The following COL24A1 variants were observed in gnomAD, a reference collection of about 807,000 sequenced individuals.
COL24A1 encodes the protein collagen type XXIV alpha 1 chain, also known as collagen alpha-1(XXIV) chain.
In COL24A1, 224 loss-of-function variants were observed where a neutral mutation model predicts 253.9. The ratio of observed to expected loss-of-function variants is 0.88; its 90% CI spans 0.79 to 0.99. COL24A1 has a LOEUF of 0.99. Among genes scored for constraint, COL24A1 ranks in the 50% least tolerant of loss-of-function variants. The probability of loss-of-function intolerance (pLI) is 0.00; values close to 1 mark genes in which losing one functional copy is unlikely to be tolerated. For missense variants in COL24A1, 2,131 were observed against 2,068.5 expected (o/e 1.03, Z -0.59); for synonymous variants, 685 against 673.7 (o/e 1.02, Z -0.26).
intron 12 of COL24A1, among the ~76,000 whole-genome samples, chr1:86,041,294 G>C (rs1180152275): frequency 6.6e-6 from 1 of 152,144 alleles, no homozygotes; most frequent in Non-Finnish European, 1.5e-5. Context: ...CTAAGGGTCT[G>C]AAAAATTCCT....
At chr1:85,924,781 T>A (rs1205968699) in intron 24 of COL24A1, among the ~76,000 whole-genome samples, 1 of 152,192 alleles carries the variant, frequency 6.6e-6, no homozygotes, top group African/African-American at 2.4e-5. Context: ...ATGCCCTCTC[T>A]CACCACTCTT....
intron 55 of COL24A1, among the ~76,000 whole-genome samples, chr1:85,749,359 C>T (rs1166623542): frequency 0.054 from 100 of 1,848 alleles, 25 homozygotes; most frequent in African/African-American, 0.073. Flanking sequence ...CCAGAAAGGA[C>T]ATCTACACCA....
At chr1:85,863,213 T>G (rs1343748276) in intron 37 of COL24A1, among the ~76,000 whole-genome samples, 1 of 152,190 alleles carries the variant, frequency 6.6e-6, no homozygotes, top group African/African-American at 2.4e-5. Context: ...AAGGAGATTT[T>G]GGGCTGAGAC....
chr1:85,807,799 C>T (rs527460535), intron 47 of COL24A1, among the ~76,000 whole-genome samples: 1 of 152,228 alleles, frequency 6.6e-6, no homozygotes, highest in South Asian at 2.1e-4. Flanking sequence ...TGAGAGAGAC[C>T]TATGGTCATT....
intron 24 of COL24A1, among the ~76,000 whole-genome samples, chr1:85,922,136 C>T (rs571323771): frequency 2.1e-4 from 32 of 152,024 alleles, no homozygotes; most frequent in East Asian, 3.9e-4. Context: ...TAAAAAGAAA[C>T]GAACAAAGCC....
intron 31 of COL24A1, among the ~76,000 whole-genome samples, chr1:85,891,170 C>T (rs576690184): frequency 1.7e-3 from 264 of 151,850 alleles, no homozygotes; most frequent in Non-Finnish European, 3.1e-3. Flanking sequence ...CCTGCCTCGG[C>T]CTCCCGAGTA....
intron 1 of COL24A1, chr1:86,153,935 C>T (rs1261068281): frequency 6.6e-6 from 1 of 152,040 alleles, no homozygotes; most frequent in African/African-American, 2.4e-5. Context: ...TAAAAGACCC[C>T]ACAAAAGAAA....
rs147829805 is a variant in COL24A1, at chr1:86,046,848, T to G, written c.1927A>C (p.Lys643Gln). 883 of 1,602,710 alleles carry G rather than the reference T, an allele frequency of 5.5e-4. 12 individuals are homozygous for G. In the East Asian group the frequency reaches 0.013, roughly 23 times the overall value. ...ACCTGTCTCCCCTTAAAACCCTTCT[T>G]TCCACGGATCCCAGGAATGCCCTAG... is the stretch of plus-strand genomic sequence containing the variant. ...GERGIPGIRG[K>Q]KGFKGRQGFP... Residue 643 changes from lysine (K) to glutamine (Q), a missense_variant, in exon 12 of 60, where the codon AAG becomes CAG. Lys to Gln is a moderately conservative substitution (Grantham distance 53). Transcript: ENST00000370571.
chr1:86,153,165 C>A (rs61803679), intron 1 of COL24A1, among the ~76,000 whole-genome samples: 24,438 of 152,040 alleles, frequency 0.16, 2,308 homozygotes, highest in East Asian at 0.3. Flanking sequence ...GTCTAGATTT[C>A]ATTTCCTTTG....
At chr1:86,068,911 T>C (rs750045441) in intron 7 of COL24A1, among the ~76,000 whole-genome samples, 25 of 152,062 alleles carry the variant, frequency 1.6e-4, no homozygotes, top group Admixed American at 9.2e-4. Flanking sequence ...AAGGGTCTAG[T>C]ACTGGCAGGA....
intron 43 of COL24A1, among the ~76,000 whole-genome samples, chr1:85,830,817 C>T (rs1303197391): frequency 6.6e-6 from 1 of 152,154 alleles, no homozygotes; most frequent in Non-Finnish European, 1.5e-5. Flanking sequence ...CCTGCGCCCA[C>T]TGTCTGGCAC....
At chr1:85,983,948 A>G (rs144540051) in intron 20 of COL24A1, among the ~76,000 whole-genome samples, 107 of 151,958 alleles carry the variant, frequency 7.0e-4, no homozygotes, top group Admixed American at 2.2e-3. Context: ...TGTTGGTACT[A>G]ATGACTCTAC....
At chr1:85,730,738 T>C in intron 59 of COL24A1, 46 bp from the exon 60 acceptor site, 1 of 1,597,814 alleles carries the variant, frequency 6.3e-7, no homozygotes, top group East Asian at 2.2e-5. Context: ...TCATTAGCAG[T>C]CACTTTCAGT....
At chr1:86,114,867 T>C (rs1705978563) in intron 4 of COL24A1, among the ~76,000 whole-genome samples, 1 of 152,216 alleles carries the variant, frequency 6.6e-6, no homozygotes, top group African/African-American at 2.4e-5. Context: ...CTGTGTAACA[T>C]GAAAAACTAC....
intron 24 of COL24A1, among the ~76,000 whole-genome samples, chr1:85,925,246 C>T (rs1301161456): frequency 6.6e-6 from 1 of 152,188 alleles, no homozygotes; most frequent in African/African-American, 2.4e-5. Context: ...GGCCATACTG[C>T]CCAAGGTAAT....
rs1703557221 is a variant in COL24A1 at position 86,092,321 on chromosome 1, C to T, written c.1600-1G>A. 1 of 1,602,238 alleles carries T rather than the reference C, an allele frequency of 6.2e-7. No homozygotes were observed. The highest frequency in any genetic ancestry group is 8.5e-7 in the Non-Finnish European group (1 of 1,171,586). ...AAAATCCTGGATCTCCTTTGGGGCC[C>T]TAAATAAAATAGTTATAAAACAGTT... On this transcript the variant is annotated splice_acceptor_variant, in intron 5 of 59. Transcript: ENST00000370571. LOFTEE classifies it high-confidence loss of function.
At chr1:85,831,595 A>G (rs1675293018) in intron 43 of COL24A1, among the ~76,000 whole-genome samples, 1 of 152,120 alleles carries the variant, frequency 6.6e-6, no homozygotes, top group African/African-American at 2.4e-5. Flanking sequence ...ATTATTCAGG[A>G]GAGGTTATGG....
chr1:85,733,594 T>G (rs1663736101), intron 59 of COL24A1, among the ~76,000 whole-genome samples: 1 of 152,160 alleles, frequency 6.6e-6, no homozygotes, highest in South Asian at 2.1e-4. Context: ...TTTTTTTTTT[T>G]TTTGAGATAG....
At chr1:85,836,940 T>G (rs528305994) in intron 43 of COL24A1, among the ~76,000 whole-genome samples, 3 of 152,336 alleles carry the variant, frequency 2.0e-5, no homozygotes, top group African/African-American at 7.2e-5. Flanking sequence ...TTCAAGCGAA[T>G]AGTTAACTGC....
Sources: allele counts gnomAD v4.1 joint callset (sites outside exome capture counted in the v4.1 genomes callset), GRCh38; gene constraint gnomAD v4.1.1; transcripts MANE v1.5; gene names NCBI Gene and HGNC (gene_info 2026-07-23, HGNC 2026-07-21).